NHERF1: variants seen among roughly 807,000 people sequenced by gnomAD.
The protein encoded by NHERF1 is Na(+)/H(+) exchange regulatory cofactor NHE-RF1.
At chr17:74,765,968 A>C in the NHERF1 span, among the ~76,000 whole-genome samples, 2 of 152,184 alleles carry the variant, frequency 1.3e-5, no homozygotes, top group African/African-American at 4.8e-5. Flanking sequence ...AGGCCTGCCC[A>C]CTAAACCAGA....
chr17:74,749,357 G>T, the NHERF1 span: 1 of 1,382,320 alleles, frequency 7.2e-7, no homozygotes. The surrounding 1 kb of genome is among the most constrained non-coding windows in gnomAD (Gnocchi z 5.6). Context: ...CAGGTGCCCC[G>T]GCCGTCCAGC....
chr17:74,768,666 T>C, the NHERF1 span: 1 of 1,611,984 alleles, frequency 6.2e-7, no homozygotes. Flanking sequence ...AGCGCCCTGC[T>C]GCCACCCAGT....
At chr17:74,748,895 C>G in the NHERF1 span, 7 of 1,598,826 alleles carry the variant, frequency 4.4e-6, no homozygotes, top group Admixed American at 1.2e-4. The surrounding 1 kb of genome is among the most constrained non-coding windows in gnomAD (Gnocchi z 4.3). Context: ...GCTCTGCTGC[C>G]TGGAGAAGGG....
chr17:74,768,911 T>C, the NHERF1 span: 6 of 517,154 alleles, frequency 1.2e-5, no homozygotes, highest in African/African-American at 1.9e-5. Context: ...CGGGTGTCCC[T>C]TTGCCACCCT....
the NHERF1 span, among the ~76,000 whole-genome samples, chr17:74,764,362 T>G: frequency 6.6e-6 from 1 of 152,208 alleles, no homozygotes; most frequent in African/African-American, 2.4e-5. This position sits in a 1 kb window ranked among gnomAD's most constrained non-coding sequence, Gnocchi z 4.9. Flanking sequence ...TGTCCCCTTC[T>G]GGCGCAATCC....
the NHERF1 span, chr17:74,748,883 C>T: frequency 6.3e-7 from 1 of 1,597,478 alleles, no homozygotes; most frequent in South Asian, 1.1e-5. This position sits in a 1 kb window ranked among gnomAD's most constrained non-coding sequence, Gnocchi z 4.3. Flanking sequence ...GCCCCTGCCC[C>T]GGCTCTGCTG....
At chr17:74,749,060 C>A in the NHERF1 span, 1 of 1,596,150 alleles carries the variant, frequency 6.3e-7, no homozygotes, top group Non-Finnish European at 8.5e-7. The surrounding 1 kb of genome is among the most constrained non-coding windows in gnomAD (Gnocchi z 5.6). Flanking sequence ...GAAGGAGACC[C>A]ACCAGCAGGT....
the NHERF1 span, among the ~76,000 whole-genome samples, chr17:74,766,267 G>A: frequency 1.3e-5 from 2 of 151,942 alleles, no homozygotes; most frequent in Admixed American, 1.3e-4. Flanking sequence ...CGTGATCTCG[G>A]CTCACTGCAA....
the NHERF1 span, among the ~76,000 whole-genome samples, chr17:74,766,400 A>G: frequency 6.1e-4 from 92 of 151,468 alleles, no homozygotes; most frequent in African/African-American, 2.2e-3. Context: ...ACGGGGTTTC[A>G]CCATGTTGGC....
the NHERF1 span, chr17:74,766,992 C>T: frequency 6.2e-7 from 1 of 1,613,016 alleles, no homozygotes; most frequent in Non-Finnish European, 8.5e-7. Flanking sequence ...GGCGGGTCCC[C>T]TGTCTCTTTG....
At chr17:74,755,295 C>T in the NHERF1 span, among the ~76,000 whole-genome samples, 2 of 152,192 alleles carry the variant, frequency 1.3e-5, no homozygotes, top group African/African-American at 2.4e-5. Context: ...GTGGCAGGCT[C>T]CTGTCCCCAT....
the NHERF1 span, chr17:74,761,937 G>C: frequency 3.4e-6 from 5 of 1,485,032 alleles, no homozygotes; most frequent in African/African-American, 5.5e-5. This position sits in a 1 kb window ranked among gnomAD's most constrained non-coding sequence, Gnocchi z 4.3. Flanking sequence ...TGGGGAGATG[G>C]GGACAGGCAG....
chr17:74,748,676 C>T, the NHERF1 span: 5 of 606,494 alleles, frequency 8.2e-6, no homozygotes, highest in Non-Finnish European at 1.4e-5. This position sits in a 1 kb window ranked among gnomAD's most constrained non-coding sequence, Gnocchi z 4.3. Flanking sequence ...CTCGGCTCCT[C>T]GCGGCTCGCG....
the NHERF1 span, chr17:74,763,118 T>G: frequency 4.7e-6 from 2 of 428,082 alleles, no homozygotes. Flanking sequence ...CCAGCTGTGT[T>G]TGTTTAGTCT....
At chr17:74,761,561 G>T in the NHERF1 span, among the ~76,000 whole-genome samples, 9 of 152,102 alleles carry the variant, frequency 5.9e-5, no homozygotes, top group Non-Finnish European at 1.2e-4. The surrounding 1 kb of genome is among the most constrained non-coding windows in gnomAD (Gnocchi z 4.3). Flanking sequence ...GGTACAAAGG[G>T]GCTGGGGGTC....
the NHERF1 span, among the ~76,000 whole-genome samples, chr17:74,756,278 T>C: frequency 8.3e-6 from 1 of 119,994 alleles, no homozygotes; most frequent in South Asian, 3.0e-4. Context: ...TCTTTCTTTT[T>C]TTTTTTTTTT....
At chr17:74,768,412 C>G in the NHERF1 span, 1 of 1,585,594 alleles carries the variant, frequency 6.3e-7, no homozygotes, top group East Asian at 2.2e-5. Flanking sequence ...GGCTGAGGAC[C>G]AGGGAGCCTA....
chr17:74,753,491 T>C, the NHERF1 span, among the ~76,000 whole-genome samples: 3 of 152,174 alleles, frequency 2.0e-5, no homozygotes, highest in African/African-American at 7.2e-5. Flanking sequence ...ATTGTTTGTG[T>C]GTTGGGATCT....
the NHERF1 span, among the ~76,000 whole-genome samples, chr17:74,760,497 G>A: frequency 6.6e-6 from 1 of 152,154 alleles, no homozygotes; most frequent in East Asian, 1.9e-4. The surrounding 1 kb of genome is among the most constrained non-coding windows in gnomAD (Gnocchi z 4.5). Context: ...CCCAGAGATC[G>A]AAAGGCTGGG....
Sources: gnomAD v4.1 joint callset for allele counts (sites outside exome capture counted in the v4.1 genomes callset) on GRCh38, gnomAD v4.1.1 for gene constraint, Gnocchi (gnomAD v3.1) non-coding constraint, MANE v1.5 for transcripts, NCBI Gene and HGNC (gene_info 2026-07-23, HGNC 2026-07-21) for gene names.